The following PRLR variants were observed in gnomAD, a reference collection of about 807,000 sequenced individuals.
PRLR encodes the protein hPRL receptor.
PRLR carries 13 observed loss-of-function variants against 40.2 expected under a neutral mutation model. The observed-to-expected ratio is 0.32, with a 90% confidence interval of 0.21 to 0.51. PRLR has a LOEUF of 0.51. Ranked by LOEUF, PRLR falls within the 20% of genes least tolerant of loss-of-function variation. The probability of loss-of-function intolerance (pLI) is 0.97; values close to 1 mark genes in which losing one functional copy is unlikely to be tolerated. For missense variants in PRLR, 656 were observed against 747.3 expected (o/e 0.88, Z 1.42); for synonymous variants, 269 against 278.7 (o/e 0.97, Z 0.35).
intron 3 of PRLR, 150 bp from the exon 4 acceptor site, chr5:35,086,490 C>A: frequency 1.1e-6 from 1 of 929,138 alleles, no homozygotes; most frequent in Non-Finnish European, 1.6e-6. Flanking sequence ...GAATGCCAAG[C>A]ATCAGCATCC....
At chr5:35,071,900 T>C (rs1400361612) in intron 6 of PRLR, among the ~76,000 whole-genome samples, 6 of 113,808 alleles carry the variant, frequency 5.3e-5, no homozygotes, top group Non-Finnish European at 1.0e-4. Context: ...GAGCCCAGCC[T>C]TTTTTTTTTT....
In PRLR at chr5:35,059,352, T is replaced by C. The variant is rs1768901850; in HGVS notation, c.*5737A>G. On this transcript the variant is annotated 3_prime_UTR_variant, in exon 10 of 10. Transcript: ENST00000618457. ...TTTGAGACTTTACATGTCTCAGTAC[T>C]TTCTAAATTGAAATCAGAGCATTAA... The C allele has an allele frequency of 6.6e-6, 1 of 152,182 alleles. No homozygotes were observed. Among genetic ancestry groups the C allele is most frequent in the South Asian group, 2.1e-4 (1 of 4,830 alleles). The allele number at this position is 152,182 out of a possible 1,614,324, so 9.4% of individuals were successfully genotyped here.
At chr5:35,048,938 T>C (rs1433190227) in exon 9 of PRLR, 2 of 358,822 alleles carry the variant, frequency 5.6e-6, no homozygotes, top group South Asian at 2.1e-5. Context: ...TAATCTTGGG[T>C]CACCCTGTAA....
At chr5:35,116,215 C>T (rs1351012445) in intron 2 of PRLR, among the ~76,000 whole-genome samples, 1 of 152,110 alleles carries the variant, frequency 6.6e-6, no homozygotes, top group Non-Finnish European at 1.5e-5. Context: ...TGTACAAACC[C>T]TAGGGCTTTG....
At chr5:35,054,806 C>A (rs1768638319), downstream of PRLR, among the ~76,000 whole-genome samples, 1 of 151,998 alleles carries the variant, frequency 6.6e-6, no homozygotes, top group African/African-American at 2.4e-5. Context: ...TCATAAATAC[C>A]AAAGTAATTG....
chr5:35,068,422 T>A, intron 8 of PRLR, 137 bp from the exon 9 acceptor site: 1 of 733,864 alleles, frequency 1.4e-6, no homozygotes, highest in Non-Finnish European at 2.3e-6. Flanking sequence ...CAATCAATGA[T>A]GAAAATAAAA....
At chr5:35,067,052 C>T (rs926667198) in intron 9 of PRLR, among the ~76,000 whole-genome samples, 11 of 152,166 alleles carry the variant, frequency 7.2e-5, no homozygotes, top group Admixed American at 4.6e-4. Flanking sequence ...CGTGAGCCAC[C>T]GCGCCCGGCC....
chr5:35,054,635 T>C (rs1033361973), downstream of PRLR, among the ~76,000 whole-genome samples: 1 of 152,234 alleles, frequency 6.6e-6, no homozygotes, highest in African/African-American at 2.4e-5. Context: ...AGCAGTTGTA[T>C]GCATAAAGCA....
intron 1 of PRLR, among the ~76,000 whole-genome samples, chr5:35,188,171 G>A (rs1775500424): frequency 6.6e-6 from 1 of 152,130 alleles, no homozygotes; most frequent in Admixed American, 6.5e-5. Context: ...TGGAAAGTCG[G>A]GCTTTTCGAG....
intron 2 of PRLR, among the ~76,000 whole-genome samples, chr5:35,110,065 T>C (rs1430467372): frequency 2.0e-5 from 3 of 152,168 alleles, no homozygotes; most frequent in Non-Finnish European, 4.4e-5. Flanking sequence ...ATGTCCTTTG[T>C]AGGGACATGG....
At chr5:35,087,516 T>G (rs1770935668) in intron 3 of PRLR, among the ~76,000 whole-genome samples, 1 of 151,696 alleles carries the variant, frequency 6.6e-6, no homozygotes, top group South Asian at 2.1e-4. Flanking sequence ...TGTGGCCCTT[T>G]TGTAATCCCA....
At chr5:35,089,486 G>T in intron 3 of PRLR, 65 bp downstream of exon 3, 1 of 1,111,158 alleles carries the variant, frequency 9.0e-7, no homozygotes, top group South Asian at 1.2e-5. Flanking sequence ...AAGACTGCAT[G>T]GACTCTCCAC....
At chr5:35,213,673 T>G (rs1776220947) in intron 1 of PRLR, among the ~76,000 whole-genome samples, 1 of 152,216 alleles carries the variant, frequency 6.6e-6, no homozygotes, top group South Asian at 2.1e-4. Context: ...AACCTCACTG[T>G]TCCTTTTGGT....
At chr5:35,049,419 G>A (rs576197954) in intron 8 of PRLR, 10 of 702,884 alleles carry the variant, frequency 1.4e-5, no homozygotes, top group East Asian at 1.3e-4. Context: ...CTGGAGTGGG[G>A]AAGAAAAACA....
chr5:35,068,185 C>A (rs1286688986), intron 9 of PRLR, 31 bp downstream of exon 9: 2 of 1,555,592 alleles, frequency 1.3e-6, no homozygotes, highest in Admixed American at 1.7e-5. Context: ...AGCAGTGAGT[C>A]ACACTCCATT....
At chr5:35,223,989 T>C (rs1043104094) in intron 1 of PRLR, among the ~76,000 whole-genome samples, 1 of 152,214 alleles carries the variant, frequency 6.6e-6, no homozygotes, top group Admixed American at 6.5e-5. Context: ...ATACTCTTGC[T>C]TAAAGAACTC....
intron 1 of PRLR, among the ~76,000 whole-genome samples, chr5:35,139,289 C>T (rs1189194615): frequency 6.6e-6 from 1 of 152,058 alleles, no homozygotes; most frequent in Non-Finnish European, 1.5e-5. Flanking sequence ...CGTGCGCCAC[C>T]ACACCCAGCT....
intron 1 of PRLR, among the ~76,000 whole-genome samples, chr5:35,132,493 T>G (rs77985670): frequency 0.036 from 5,463 of 152,356 alleles, 107 homozygotes; most frequent in Non-Finnish European, 0.045. Context: ...CATATTCTTA[T>G]GTAACCCGTG....
At chr5:35,154,124 A>G (rs375380349) in intron 1 of PRLR, among the ~76,000 whole-genome samples, 3 of 152,248 alleles carry the variant, frequency 2.0e-5, no homozygotes, top group Non-Finnish European at 2.9e-5. Flanking sequence ...ATACTTGAAT[A>G]TATTTCCTAA....
Sources: allele counts gnomAD v4.1 joint callset (sites outside exome capture counted in the v4.1 genomes callset), GRCh38; gene constraint gnomAD v4.1.1; transcripts MANE v1.5; gene names NCBI Gene and HGNC (gene_info 2026-07-23, HGNC 2026-07-21).